DNER: variants seen among roughly 807,000 people sequenced by gnomAD.
The protein encoded by DNER is delta and Notch-like epidermal growth factor-related receptor.
Under a neutral mutation model 78.2 loss-of-function variants are expected in DNER, and 33 were observed. That is an observed-to-expected ratio of 0.42 (90% CI 0.32 to 0.56). The LOEUF (loss-of-function observed/expected upper bound fraction) is 0.56, where lower values mean the gene tolerates loss of function less well. Among genes scored for constraint, DNER ranks in the 20% least tolerant of loss-of-function variants. The pLI is 0.11. For missense variants in DNER, 918 were observed against 975.3 expected (o/e 0.94, Z 0.78); for synonymous variants, 417 against 384.8 (o/e 1.08, Z -0.98).
intron 8 of DNER, among the ~76,000 whole-genome samples, chr2:229,442,843 G>C (rs1694264981): frequency 6.6e-6 from 1 of 151,920 alleles, no homozygotes; most frequent in South Asian, 2.1e-4. Context: ...TCACATGTAA[G>C]GCATATGTAG....
intron 10 of DNER, among the ~76,000 whole-genome samples, chr2:229,399,150 A>G (rs1693211460): frequency 6.6e-6 from 1 of 151,866 alleles, no homozygotes; most frequent in South Asian, 2.1e-4. Context: ...ATCATTATTT[A>G]TGTAGAAAAT....
intron 4 of DNER, among the ~76,000 whole-genome samples, chr2:229,579,298 A>G (rs1297598381): frequency 3.3e-5 from 5 of 152,162 alleles, no homozygotes; most frequent in African/African-American, 1.2e-4. Flanking sequence ...CTCAGAGACC[A>G]CACCTAAATC....
At chr2:229,382,175 T>C (rs1024964142) in intron 11 of DNER, among the ~76,000 whole-genome samples, 3 of 152,216 alleles carry the variant, frequency 2.0e-5, no homozygotes, top group African/African-American at 7.2e-5. Flanking sequence ...CAGAGGGGTC[T>C]GACTGTTAGA....
At chr2:229,615,228 A>G (rs1406870122) in intron 1 of DNER, among the ~76,000 whole-genome samples, 1 of 151,336 alleles carries the variant, frequency 6.6e-6, no homozygotes, top group Non-Finnish European at 1.5e-5. Flanking sequence ...CCTGACCAAC[A>G]TGGAGAAACC....
chr2:229,394,477 G>A (rs1421845084), intron 10 of DNER, among the ~76,000 whole-genome samples: 1 of 152,218 alleles, frequency 6.6e-6, no homozygotes, highest in East Asian at 1.9e-4. Context: ...TTGGGGGCAG[G>A]TTTGCAGAGG....
intron 4 of DNER, among the ~76,000 whole-genome samples, chr2:229,558,983 G>A (rs1043414806): frequency 2.1e-4 from 32 of 152,148 alleles, no homozygotes; most frequent in African/African-American, 7.5e-4. Context: ...AATAACACAC[G>A]ACTGGTGCAT....
intron 1 of DNER, among the ~76,000 whole-genome samples, chr2:229,686,970 G>A (rs1366774638): frequency 6.6e-6 from 1 of 152,122 alleles, no homozygotes; most frequent in African/African-American, 2.4e-5. Flanking sequence ...ACTTTTCAAT[G>A]TCACTCTGTC....
chr2:229,459,396 T>C (rs1471368893), intron 7 of DNER, among the ~76,000 whole-genome samples: 1 of 152,104 alleles, frequency 6.6e-6, no homozygotes, highest in Non-Finnish European at 1.5e-5. Flanking sequence ...CTAGTAGAAA[T>C]AGAAGAAGAA....
chr2:229,464,266 A>G (rs1464635806), intron 7 of DNER, among the ~76,000 whole-genome samples: 2 of 152,376 alleles, frequency 1.3e-5, no homozygotes, highest in Admixed American at 1.3e-4. Flanking sequence ...TTACAAAATC[A>G]TCAGCTGTAA....
intron 1 of DNER, among the ~76,000 whole-genome samples, chr2:229,595,551 G>A (rs11891200): frequency 0.36 from 55,216 of 151,952 alleles, 10,178 homozygotes; most frequent in East Asian, 0.47. Context: ...CAAAGTGCTG[G>A]GATTATAGAC....
At chr2:229,463,773 C>T (rs1281599358) in intron 7 of DNER, among the ~76,000 whole-genome samples, 2 of 152,138 alleles carry the variant, frequency 1.3e-5, no homozygotes, top group African/African-American at 4.8e-5. Flanking sequence ...TATTCTGCTG[C>T]GTAGCACGGG....
intron 1 of DNER, among the ~76,000 whole-genome samples, chr2:229,681,866 A>AC (rs1699394036): frequency 6.7e-6 from 1 of 148,384 alleles, no homozygotes; most frequent in East Asian, 2.0e-4. Flanking sequence ...ACACACACAC[A>AC]AATGTATCGT....
chr2:229,477,047 TAG>T, intron 7 of DNER, 91 bp downstream of exon 7: 1 of 973,936 alleles, frequency 1.0e-6, no homozygotes, highest in East Asian at 2.6e-5. Flanking sequence ...TTCTCTTGTG[TAG>T]AGTTTTGCAG....
At chr2:229,561,646 C>T (rs971371897) in intron 4 of DNER, among the ~76,000 whole-genome samples, 21 of 152,052 alleles carry the variant, frequency 1.4e-4, no homozygotes, top group Admixed American at 1.3e-4. Context: ...TATTAGCCAC[C>T]GTGCTACATT....
Position 229,644,116 on chromosome 2 carries a change from G to A in DNER, c.277-52228C>T, listed in dbSNP as rs1226930111. On this transcript the variant is annotated intron_variant, in intron 1 of 12. Coordinates refer to ENST00000341772, the MANE Select transcript of DNER (RefSeq NM_139072.4). The stretch of plus-strand genomic sequence containing the variant: ...GCACCTGCCCCCAAATTTCCCAAAT[G>A]TCATGGATCACTACACTTTTATTAA... 2.6e-5 allele frequency among the ~76,000 whole-genome samples: 4 copies of A among 152,148 alleles called. No homozygotes were observed. The East Asian group carries it at 7.7e-4, about 29-fold the overall frequency.
intron 11 of DNER, among the ~76,000 whole-genome samples, chr2:229,372,626 G>T (rs998910648): frequency 3.9e-5 from 6 of 152,222 alleles, no homozygotes. Context: ...GGCACAGTCA[G>T]TGTTGGAAAC....
chr2:229,513,678 A>C (rs1187377872), intron 5 of DNER, among the ~76,000 whole-genome samples: 1 of 152,192 alleles, frequency 6.6e-6, no homozygotes, highest in Non-Finnish European at 1.5e-5. Flanking sequence ...TCTGTCCCCA[A>C]AGCCTACACA....
At chr2:229,705,127 G>A (rs979471949) in intron 1 of DNER, among the ~76,000 whole-genome samples, 4 of 152,096 alleles carry the variant, frequency 2.6e-5, no homozygotes, top group Non-Finnish European at 5.9e-5. Flanking sequence ...CAGACTCTTC[G>A]CTTCAGTCGT....
chr2:229,498,003 A>C (rs2154211877), intron 6 of DNER, among the ~76,000 whole-genome samples: 2 of 123,976 alleles, frequency 1.6e-5, no homozygotes, highest in East Asian at 4.6e-4. Context: ...CAGGTCCCTG[A>C]TGAACATAGA....
Sources: allele counts gnomAD v4.1 joint callset (sites outside exome capture counted in the v4.1 genomes callset), GRCh38; gene constraint gnomAD v4.1.1; transcripts MANE v1.5; gene names NCBI Gene and HGNC (gene_info 2026-07-23, HGNC 2026-07-21).